POGZ: variants seen among roughly 807,000 people sequenced by gnomAD.
POGZ encodes pogo transposable element with ZNF domain.
POGZ carries 17 observed loss-of-function variants against 134.6 expected under a neutral mutation model. The observed-to-expected ratio is 0.13, with a 90% CI of 0.09 to 0.19. The LOEUF (loss-of-function observed/expected upper bound fraction) is 0.19, where lower values mean the gene tolerates loss of function less well. POGZ is among the 10% of genes least tolerant of loss of function. POGZ has a pLI of 1.00. For missense variants in POGZ, 1,306 were observed against 1,769.7 expected (o/e 0.74, Z 4.70); for synonymous variants, 693 against 657.1 (o/e 1.05, Z -0.84).
chr1:151,459,040 C>T (rs1448975746), intron 1 of POGZ, 112 bp downstream of exon 1: 2 of 146,106 alleles, frequency 1.4e-5, no homozygotes, highest in Non-Finnish European at 3.0e-5. Context: ...CCGCGCGTAC[C>T]GGCCCCATCC....
intron 1 of POGZ, among the ~76,000 whole-genome samples, chr1:151,456,391 T>C (rs935130416): frequency 6.6e-6 from 1 of 152,160 alleles, no homozygotes; most frequent in Non-Finnish European, 1.5e-5. Context: ...ATAAATACTG[T>C]CAGTTGTTTT....
intron 3 of POGZ, among the ~76,000 whole-genome samples, chr1:151,433,012 G>C (rs1394232341): frequency 6.6e-6 from 1 of 152,046 alleles, no homozygotes; most frequent in Non-Finnish European, 1.5e-5. Context: ...CTAAGCAAAA[G>C]TCTATATTTT....
chr1:151,451,269 G>T (rs559452516), intron 1 of POGZ, among the ~76,000 whole-genome samples: 1 of 150,926 alleles, frequency 6.6e-6, no homozygotes, highest in African/African-American at 2.4e-5. Context: ...AACAATGTAT[G>T]AAGTATTACT....
chr1:151,406,568 G>T, intron 18 of POGZ, 39 bp downstream of exon 18: 1 of 1,601,498 alleles, frequency 6.2e-7, no homozygotes, highest in Non-Finnish European at 8.5e-7. Flanking sequence ...TAAACACACT[G>T]CAAACCAGAA....
At chr1:151,452,795 C>G (rs1428983095) in intron 1 of POGZ, among the ~76,000 whole-genome samples, 1 of 151,278 alleles carries the variant, frequency 6.6e-6, no homozygotes, top group Non-Finnish European at 1.5e-5. Context: ...ATTCGGGAGG[C>G]AGAGGTTGCA....
chr1:151,459,393 G>T lies in POGZ; in HGVS notation c.-243C>A, dbSNP rs1215931944. On this transcript the variant is annotated 5_prime_UTR_variant, in exon 1 of 19. Transcript: ENST00000271715. ...GGGGGCGGGGGGGCCCCGAGGGAGG[G>T]GGGTGGGGGGGCCAAGGAATGCGGC... 1.3e-5 allele frequency: 2 copies of T among 151,650 alleles called. No homozygotes were observed. Among genetic ancestry groups the T allele is most frequent in the African/African-American group, 2.4e-5 (1 of 41,294 alleles). The allele number at this position is 151,650 out of a possible 1,614,324, so 9.4% of individuals were successfully genotyped here. A position where few individuals can be genotyped will look rare whatever the true frequency, so the allele number is the denominator to read the frequency against.
At chr1:151,407,749 C>G (rs1487045129) in intron 15 of POGZ, among the ~76,000 whole-genome samples, 1 of 152,120 alleles carries the variant, frequency 6.6e-6, no homozygotes, top group Non-Finnish European at 1.5e-5. Flanking sequence ...TGGCTCATGT[C>G]TGTAATCCCA....
chr1:151,408,492 C>T lies in POGZ; in HGVS notation c.2151G>A (p.Pro717=), dbSNP rs756831445. 86 of 1,592,926 alleles carry T rather than the reference C, an allele frequency of 5.4e-5. No individual in the cohort carries two copies. The highest frequency in any genetic ancestry group is 1.7e-4 in the Middle Eastern group (1 of 6,008). Residue 717 remains proline (P), a synonymous_variant, in exon 14 of 19, where the codon CCG becomes CCA. Coordinates refer to ENST00000271715, the MANE Select transcript of POGZ (RefSeq NM_015100.4). ...TPPSALQEAA[P]LTSSMDPLPV... The stretch of plus-strand genomic sequence containing the variant: ...GCAGAGGGTCCATTGAGGAGGTCAG[C>T]GGTGCTGCCTCCTGCAAGGCGCTGG...
intron 1 of POGZ, among the ~76,000 whole-genome samples, chr1:151,455,894 C>CTTTTTTT (rs768038263): frequency 1.6e-4 from 19 of 117,552 alleles, no homozygotes; most frequent in African/African-American, 5.9e-4. Context: ...TAGTTTCTTT[C>CTTTTTTT]TTTTTTTTTT....
Position 151,404,951 on chromosome 1 carries a change from C to G in POGZ, c.4084G>C (p.Glu1362Gln). ...SLEEQLKLSG[E>Q]HSESSTPRPR... ...CGTGGAGTGGAAGACTCAGAATGTT[C>G]CCCACTCAGCTTCAGTTGCTCCTCT... Residue 1362 changes from glutamate (E) to glutamine (Q), a missense_variant, in exon 19 of 19, where the codon GAA (glutamate) becomes CAA (glutamine). Around this residue, in one of 10 missense-constraint regions of POGZ, gnomAD observed 107 missense variants for 97.9 expected, o/e 1.09. Transcript: ENST00000271715. 2 of 1,614,186 alleles carry G rather than the reference C, an allele frequency of 1.2e-6. No individual in the cohort carries two copies. Among genetic ancestry groups the G allele is most frequent in the Non-Finnish European group, 1.7e-6 (2 of 1,180,024 alleles).
intron 8 of POGZ, among the ~76,000 whole-genome samples, chr1:151,424,637 T>C (rs748479470): frequency 5.3e-5 from 8 of 152,186 alleles, no homozygotes; most frequent in Non-Finnish European, 1.0e-4. Flanking sequence ...TCCCGATTCA[T>C]CCAATGACAC....
At chr1:151,452,905 G>T (rs976657701) in intron 1 of POGZ, among the ~76,000 whole-genome samples, 8 of 151,512 alleles carry the variant, frequency 5.3e-5, no homozygotes, top group Non-Finnish European at 7.4e-5. Flanking sequence ...GATAGTTTAA[G>T]TGTTCCTTGT....
intron 3 of POGZ, among the ~76,000 whole-genome samples, chr1:151,439,924 T>G (rs970926421): frequency 2.6e-5 from 4 of 152,142 alleles, no homozygotes; most frequent in Admixed American, 2.6e-4. Context: ...TACAACCCAT[T>G]GTTAATAAGT....
chr1:151,412,290 C>A lies in POGZ; in HGVS notation c.1779+6G>T. 6.7e-7 allele frequency: 1 copy of A among 1,502,998 alleles called. No individual in the cohort carries two copies. The highest frequency in any genetic ancestry group is 9.2e-7 in the Non-Finnish European group (1 of 1,086,230). 93.1% of individuals were successfully genotyped at this position (1,502,998 alleles called of 1,614,324 possible). A position where few individuals can be genotyped will look rare whatever the true frequency, so the allele number is the denominator to read the frequency against. On this transcript the variant is annotated splice_donor_region_variant and intron_variant, in intron 11 of 18. Transcript: ENST00000271715. Reference sequence around the variant, plus strand: ...TGCTAAAACTCCCTGGAGAAAAAGGCAATACCTGGCAAACATAAGGCATCT... The same window carrying A: ...TGCTAAAACTCCCTGGAGAAAAAGGAAATACCTGGCAAACATAAGGCATCT...
intron 3 of POGZ, among the ~76,000 whole-genome samples, chr1:151,435,062 G>C (rs1659352881): frequency 6.6e-6 from 1 of 151,960 alleles, no homozygotes; most frequent in Non-Finnish European, 1.5e-5. Context: ...ACCATGCCCA[G>C]CTAATTTTTG....
rs774693081 is a variant in POGZ at position 151,406,384 on chromosome 1, G to A, written c.2651C>T (p.Ala884Val). ...GGCCCCCGCAGATTTCACAGTGGCA[G>A]CTTTGTTAGTGGGGAAGGAAGGAGG... is the stretch of plus-strand genomic sequence containing the variant. ...YPPPSFPTNK[A>V]ATVKSAGATP... The change falls in exon 19 of 19, where the codon GCT becomes GTT. Residue 884 changes from alanine (A) to valine (V), a missense_variant. Ala to Val is a moderately conservative substitution (Grantham distance 64). Around this residue, in one of 10 missense-constraint regions of POGZ, gnomAD observed 214 missense variants for 255.5 expected, o/e 0.84. Transcript: ENST00000271715. 2 of 1,580,254 alleles carry A rather than the reference G, an allele frequency of 1.3e-6. No individual in the cohort carries two copies. Among genetic ancestry groups the A allele is most frequent in the Admixed American group, 3.7e-5 (2 of 54,186 alleles).
intron 10 of POGZ, among the ~76,000 whole-genome samples, chr1:151,418,573 G>A (rs946957245): frequency 6.6e-6 from 1 of 152,154 alleles, no homozygotes; most frequent in Non-Finnish European, 1.5e-5. Context: ...AAAATAGCTA[G>A]AAGAGAATAA....
chr1:151,452,543 A>G (rs1662253729), intron 1 of POGZ, among the ~76,000 whole-genome samples: 1 of 152,042 alleles, frequency 6.6e-6, no homozygotes, highest in Non-Finnish European at 1.5e-5. Context: ...CAACTTTCAA[A>G]AAATATTTGG....
intron 1 of POGZ, among the ~76,000 whole-genome samples, chr1:151,447,730 C>A (rs1246843920): frequency 2.1e-5 from 3 of 140,022 alleles, no homozygotes; most frequent in African/African-American, 8.0e-5. Context: ...ACTCAAGCAA[C>A]ACACCTGCCT....
Sources: gnomAD v4.1 joint callset for allele counts (sites outside exome capture counted in the v4.1 genomes callset) on GRCh38, gnomAD v4.1.1 for gene constraint, gnomAD v4.1.1 regional missense constraint, MANE v1.5 for transcripts, NCBI Gene and HGNC (gene_info 2026-07-23, HGNC 2026-07-21) for gene names.